LMLN: variants seen among roughly 807,000 people sequenced by gnomAD.
LMLN encodes the protein leishmanolysin like peptidase.
Under a neutral mutation model 92.3 loss-of-function variants are expected in LMLN, and 70 were observed. The observed-to-expected ratio is 0.76, with a 90% CI of 0.63 to 0.92. The LOEUF (loss-of-function observed/expected upper bound fraction) is 0.92. LMLN is among the 40% of genes least tolerant of loss of function. The pLI is 0.00. For missense variants in LMLN, 691 were observed against 814.6 expected (o/e 0.85, Z 1.85); for synonymous variants, 308 against 296.2 (o/e 1.04, Z -0.41).
rs536285436 is a variant in LMLN at position 197,977,917 on chromosome 3, C to T, written c.549+1202C>T. 6.0e-5 allele frequency among the ~76,000 whole-genome samples: 9 copies of T among 150,608 alleles called. No homozygotes were observed. In the East Asian group the frequency reaches 1.2e-3, roughly 20 times the overall value. On this transcript the variant is annotated intron_variant, in intron 5 of 15. Transcript: ENST00000330198. ...GTTAATTCTGGATACATATAAAAAT[C>T]ATCAAACAATCTGGAAGTATACACA...
Position 197,980,188 on chromosome 3 carries a change from A to G in LMLN, c.550-138A>G, listed in dbSNP as rs1051738981. ...CTAGGTATTGAGTAGACAGGGAGGTATGGATTTTGATAAAAGTTTAGGGAT... is the reference window on the plus strand; with the variant it reads ...CTAGGTATTGAGTAGACAGGGAGGTGTGGATTTTGATAAAAGTTTAGGGAT... On this transcript the variant is annotated intron_variant, in intron 5 of 15. Coordinates refer to ENST00000330198, the Ensembl canonical transcript of LMLN. The G allele has an allele frequency of 1.8e-5, 11 of 612,652 alleles. No homozygotes were observed. The African/African-American group carries it at 1.8e-4, about 10-fold the overall frequency. The allele number at this position is 612,652 out of a possible 1,614,324, so 38.0% of individuals were successfully genotyped here.
At chr3:198,029,054 C>G (rs1358314210) in intron 14 of LMLN, among the ~76,000 whole-genome samples, 4 of 152,216 alleles carry the variant, frequency 2.6e-5, no homozygotes, top group Admixed American at 6.5e-5. Flanking sequence ...AGCCCTCTCT[C>G]AACAACGCTG....
chr3:198,040,242 G>A (rs1219175180), exon 16 of LMLN: 1 of 152,202 alleles, frequency 6.6e-6, no homozygotes, highest in Non-Finnish European at 1.5e-5. Context: ...TTTTAAGTAA[G>A]ACTCAGTCCA....
chr3:197,995,810 A>G (rs1235689719), intron 9 of LMLN, among the ~76,000 whole-genome samples: 2 of 152,148 alleles, frequency 1.3e-5, no homozygotes, highest in Non-Finnish European at 2.9e-5. Context: ...TTCATAAATC[A>G]TAACATCACT....
At chr3:197,986,782 TG>T (rs1721719149) in intron 8 of LMLN, among the ~76,000 whole-genome samples, 1 of 152,160 alleles carries the variant, frequency 6.6e-6, no homozygotes, top group Admixed American at 6.5e-5. Flanking sequence ...GTGAGCTGGT[TG>T]ATTATAAGGG....
chr3:198,008,421 A>C (rs959108675), intron 11 of LMLN, among the ~76,000 whole-genome samples: 1 of 152,168 alleles, frequency 6.6e-6, no homozygotes, highest in African/African-American at 2.4e-5. Context: ...CTTAATATTG[A>C]CTTGATTTAA....
At chr3:197,974,300 T>C in intron 1 of LMLN, 77 bp from the exon 2 acceptor site, 1 of 726,812 alleles carries the variant, frequency 1.4e-6, no homozygotes, top group Non-Finnish European at 2.4e-6. Context: ...GAAATTTAGT[T>C]CATTAATTTT....
rs142949130 is a variant in LMLN at position 197,988,865 on chromosome 3, A to G, written c.930-1694A>G. Among the ~76,000 whole-genome samples the G allele has an allele frequency of 2.7e-3, 409 of 152,094 alleles. 4 individuals carry two copies. The highest frequency in any genetic ancestry group is 9.4e-3 in the African/African-American group (390 of 41,496). On this transcript the variant is annotated intron_variant, in intron 8 of 15. Coordinates refer to ENST00000330198, the Ensembl canonical transcript of LMLN. ...CCTGGCTAATTTTTGTGTTTTTAGT[A>G]GAGACGGAATTTCACCATGTTTGCC...
At chr3:197,985,752 C>G in intron 7 of LMLN, 44 bp from the exon 8 acceptor site, 1 of 1,323,846 alleles carries the variant, frequency 7.6e-7, no homozygotes, top group Non-Finnish European at 1.1e-6. Flanking sequence ...TGTAATCAGC[C>G]TTGATGTTTT....
chr3:197,976,848 T>G, intron 5 of LMLN, 133 bp downstream of exon 5: 1 of 461,994 alleles, frequency 2.2e-6, no homozygotes, highest in Non-Finnish European at 4.0e-6. Flanking sequence ...ACCACAGATA[T>G]GCTGATTTTA....
chr3:198,010,065 T>C (rs1331505558), intron 11 of LMLN, among the ~76,000 whole-genome samples: 1 of 152,206 alleles, frequency 6.6e-6, no homozygotes, highest in Non-Finnish European at 1.5e-5. Flanking sequence ...TGATGTCTTC[T>C]ATTGTTTTTT....
chr3:197,985,845 C>T (rs754955957), exon 8 of LMLN: 2 of 1,613,714 alleles, frequency 1.2e-6, no homozygotes, highest in South Asian at 1.1e-5. Flanking sequence ...GATGGAAATC[C>T]TCTCACTTCA....
intron 11 of LMLN, among the ~76,000 whole-genome samples, chr3:198,008,072 G>A (rs963591039): frequency 3.9e-5 from 6 of 152,104 alleles, no homozygotes; most frequent in African/African-American, 1.2e-4. Context: ...TGCATTCCTG[G>A]AGTAAACCCC....
chr3:197,980,505 G>A lies in LMLN; in HGVS notation c.728+1G>A, dbSNP rs1429120281. 8 of 1,610,486 alleles carry A rather than the reference G, an allele frequency of 5.0e-6. No individual in the cohort carries two copies. Among genetic ancestry groups the A allele is most frequent in the Admixed American group, 1.7e-5 (1 of 59,400 alleles). ...GTCAGCAGGAAGCAAACATGGACAG[G>A]TAATCTTTCCTCCGGGACTTAGTTT... On this transcript the variant is annotated splice_donor_variant, in intron 6 of 15. Coordinates refer to ENST00000330198, the Ensembl canonical transcript of LMLN. LOFTEE classifies it high-confidence loss of function.
At chr3:198,020,251 C>T (rs1003727850) in intron 12 of LMLN, among the ~76,000 whole-genome samples, 10 of 152,222 alleles carry the variant, frequency 6.6e-5, no homozygotes, top group African/African-American at 2.4e-4. Flanking sequence ...CCGCCTCAGC[C>T]TCCCAAAGTG....
At chr3:198,024,593 G>T (rs1722875250) in intron 13 of LMLN, 65 bp from the exon 15 acceptor site, 2 of 1,326,586 alleles carry the variant, frequency 1.5e-6, no homozygotes, top group East Asian at 2.6e-5. Context: ...AAAATGGAAT[G>T]GTTCAGTTTC....
intron 1 of LMLN, among the ~76,000 whole-genome samples, chr3:197,962,870 CT>C (rs1325572844): frequency 6.6e-6 from 1 of 150,892 alleles, no homozygotes; most frequent in Non-Finnish European, 1.5e-5. Context: ...AGCATTCCTG[CT>C]TTGTTCTTCC....
intron 12 of LMLN, among the ~76,000 whole-genome samples, chr3:198,021,144 ACTT>A (rs1722770951): frequency 6.6e-6 from 1 of 152,096 alleles, no homozygotes; most frequent in African/African-American, 2.4e-5. Flanking sequence ...AGCTCTTAAA[ACTT>A]CTTTTTGCTC....
chr3:198,029,470 G>A (rs529809689), intron 14 of LMLN, among the ~76,000 whole-genome samples: 2 of 152,092 alleles, frequency 1.3e-5, no homozygotes, highest in South Asian at 2.1e-4. Flanking sequence ...TCAGGAGTTC[G>A]AGATCAGCCC....
Sources: allele counts gnomAD v4.1 joint callset (sites outside exome capture counted in the v4.1 genomes callset), GRCh38; gene constraint gnomAD v4.1.1; transcripts MANE v1.5; gene names NCBI Gene and HGNC (gene_info 2026-07-23, HGNC 2026-07-21).